The following SYNPO2 variants were observed in gnomAD, a reference collection of about 807,000 sequenced individuals.
SYNPO2 encodes the protein synaptopodin 2, also known as synaptopodin-2.
A neutral mutation model predicts 85.0 loss-of-function variants in SYNPO2; 56 were observed. The ratio of observed to expected loss-of-function variants is 0.66; its 90% CI spans 0.53 to 0.82. SYNPO2 has a LOEUF of 0.82. Ranked by LOEUF, SYNPO2 falls within the 40% of genes least tolerant of loss-of-function variation. The probability of loss-of-function intolerance (pLI) is 0.00; values close to 1 mark genes in which losing one functional copy is unlikely to be tolerated. For missense variants in SYNPO2, 1,575 were observed against 1,534.2 expected, an observed-to-expected ratio of 1.03 and a Z score of -0.44; for synonymous variants, 602 against 591.1, an observed-to-expected ratio of 1.02 and a Z score of -0.27.
intron 1 of SYNPO2, among the ~76,000 whole-genome samples, chr4:118,917,503 C>T (rs146269066): frequency 3.0e-4 from 45 of 152,270 alleles, no homozygotes; most frequent in African/African-American, 1.0e-3. Flanking sequence ...ATGGTAATCT[C>T]TTCAATGAAT....
At position 119,027,171 on chromosome 4, in the gene SYNPO2, T is replaced by G. The variant is rs1192953965; in HGVS notation, c.802T>G (p.Leu268Val). 8 of 1,613,662 alleles carry G rather than the reference T, an allele frequency of 5.0e-6. No homozygotes were observed. The highest frequency in any genetic ancestry group is 5.9e-6 in the Non-Finnish European group (7 of 1,179,958). The change falls in exon 3 of 5, where the codon TTG (leucine) becomes GTG (valine). Residue 268 changes from leucine (L) to valine (V), a missense_variant. By Grantham distance (32) the Leu-to-Val change is conservative (BLOSUM62 1). Coordinates refer to ENST00000307142, the MANE Select transcript of SYNPO2 (RefSeq NM_133477.3). ...AATCCAGATCTCCAGTGGCAGAGAG[T>G]TGAGAGTGATCCAGGAAAGTGAAGC... is the stretch of plus-strand genomic sequence containing the variant. ...KIIQISSGRE[L>V]RVIQESEAGD... is the part of the protein sequence containing the mutation.
At chr4:118,854,682 C>T (rs1731476101) in intron 1 of SYNPO2, among the ~76,000 whole-genome samples, 2 of 152,020 alleles carry the variant, frequency 1.3e-5, no homozygotes, top group African/African-American at 2.4e-5. Flanking sequence ...AATTAACAAA[C>T]ATATAAAGGA....
In SYNPO2 at chr4:118,996,903, C is replaced by T. The variant is rs1316652146; in HGVS notation, c.106-26527C>T. Among the ~76,000 whole-genome samples, 3 of 147,852 alleles carry T rather than the reference C, an allele frequency of 2.0e-5. No homozygotes were observed. In the East Asian group the frequency reaches 6.1e-4, roughly 30 times the overall value. On this transcript the variant is annotated intron_variant, in intron 1 of 4. Coordinates refer to ENST00000307142, the MANE Select transcript of SYNPO2 (RefSeq NM_133477.3). ...ATAAGACAGAGCAATCAATAAATGT[C>T]CATTTGCAAGCAGAAAAGAAGTCAA...
At position 119,030,725 on chromosome 4, in the gene SYNPO2, C is replaced by G; in HGVS notation, c.1950C>G (p.Pro650=). 1.2e-6 allele frequency: 2 copies of G among 1,614,204 alleles called. No homozygotes were observed. The highest frequency in any genetic ancestry group is 8.5e-7 in the Non-Finnish European group (1 of 1,180,034). The stretch of plus-strand genomic sequence containing the variant: ...GCCCAGCACAGCCCCCTCCATGGCC[C>G]CAGCCTGCCCCGTGGTCCCAGCCAG... ...IAGPAQPPPW[P]QPAPWSQPAF... Residue 650 remains proline (P), a synonymous_variant, in exon 4 of 5, where the codon CCC becomes CCG. Coordinates refer to ENST00000307142, the MANE Select transcript of SYNPO2 (RefSeq NM_133477.3).
chr4:118,984,109 G>T (rs527634151), intron 1 of SYNPO2, among the ~76,000 whole-genome samples: 1 of 152,214 alleles, frequency 6.6e-6, no homozygotes, highest in East Asian at 1.9e-4. Context: ...CACCAAACTG[G>T]TGTCTCTGTC....
chr4:118,881,197 G>A (rs1371607452), intron 1 of SYNPO2, among the ~76,000 whole-genome samples: 1 of 151,802 alleles, frequency 6.6e-6, no homozygotes, highest in Non-Finnish European at 1.5e-5. Context: ...AGCTACTCAG[G>A]AGGCTGAGGC....
At chr4:118,978,305 CTTG>C (rs1385684348) in intron 1 of SYNPO2, among the ~76,000 whole-genome samples, 3 of 152,162 alleles carry the variant, frequency 2.0e-5, no homozygotes, top group Non-Finnish European at 2.9e-5. Context: ...ATTACTGTAT[CTTG>C]TTGTCATTTT....
At chr4:118,977,127 C>G (rs11098469) in intron 1 of SYNPO2, among the ~76,000 whole-genome samples, 1 of 151,630 alleles carries the variant, frequency 6.6e-6, no homozygotes, top group African/African-American at 2.4e-5. Context: ...AGGCTCGGGC[C>G]GCACAGGAGC....
chr4:118,935,779 T>C (rs546079792), intron 1 of SYNPO2, among the ~76,000 whole-genome samples: 142 of 152,370 alleles, frequency 9.3e-4, no homozygotes, highest in African/African-American at 3.3e-3. Context: ...ATATACATTA[T>C]AAACTGTATT....
intron 1 of SYNPO2, among the ~76,000 whole-genome samples, chr4:118,881,697 C>G (rs1467080318): frequency 6.6e-6 from 1 of 152,170 alleles, no homozygotes; most frequent in Non-Finnish European, 1.5e-5. Context: ...AAGCCACGTT[C>G]GGCCTCCAAG....
At chr4:119,057,053 A>G (rs1024682978) in intron 4 of SYNPO2, among the ~76,000 whole-genome samples, 3 of 152,170 alleles carry the variant, frequency 2.0e-5, no homozygotes, top group African/African-American at 7.2e-5. Context: ...GAGAGAAGGA[A>G]AGGTGGTTCC....
rs116051123 is a variant in SYNPO2, at chr4:118,861,011, T to C, written c.12+10071T>C. ...TCTTCACTTTGTTGACTGTTTCCTT[T>C]GCTGTGCAGTAGTTTTTTAACTTAT... is the stretch of plus-strand genomic sequence containing the variant. On this transcript the variant is annotated intron_variant, in intron 1 of 4. Coordinates refer to the SYNPO2 transcript ENST00000610556. Among the ~76,000 whole-genome samples the C allele has an allele frequency of 5.6e-3, 851 of 152,354 alleles. 12 individuals are homozygous for C. Among genetic ancestry groups the C allele is most frequent in the African/African-American group, 0.019 (781 of 41,584 alleles).
upstream of SYNPO2, among the ~76,000 whole-genome samples, chr4:118,888,152 A>C (rs1043286330): frequency 6.6e-6 from 1 of 152,206 alleles, no homozygotes; most frequent in Non-Finnish European, 1.5e-5. Flanking sequence ...GGGTTTAAGA[A>C]GATCAGCAGG....
intron 3 of SYNPO2, among the ~76,000 whole-genome samples, chr4:119,029,060 C>T (rs927675331): frequency 1.2e-4 from 18 of 151,900 alleles, no homozygotes; most frequent in African/African-American, 4.1e-4. Flanking sequence ...TTTTAAATTT[C>T]TCCAAGGTTT....
At chr4:119,003,207 C>G (rs1038341951) in intron 1 of SYNPO2, among the ~76,000 whole-genome samples, 29 of 152,166 alleles carry the variant, frequency 1.9e-4, no homozygotes. Flanking sequence ...AGGAAACTTA[C>G]AATCATGATG....
intron 1 of SYNPO2, among the ~76,000 whole-genome samples, chr4:118,938,646 TAAA>T (rs1392243615): frequency 6.6e-6 from 1 of 152,220 alleles, no homozygotes; most frequent in East Asian, 1.9e-4. Flanking sequence ...CAGTACTTTT[TAAA>T]ACTGTCAGAT....
intron 1 of SYNPO2, among the ~76,000 whole-genome samples, chr4:119,011,813 T>A (rs1440905054): frequency 6.6e-6 from 1 of 152,154 alleles, no homozygotes; most frequent in African/African-American, 2.4e-5. Context: ...CTCAAGGAAT[T>A]TCAACTAGCC....
At chr4:119,044,038 G>T (rs866877262) in intron 4 of SYNPO2, 5 of 149,136 alleles carry the variant, frequency 3.4e-5, no homozygotes, top group Non-Finnish European at 5.9e-5. Flanking sequence ...CTCTAATTTC[G>T]TATGTCTGAT....
chr4:118,930,292 A>G (rs1256692248), intron 1 of SYNPO2, among the ~76,000 whole-genome samples: 1 of 152,228 alleles, frequency 6.6e-6, no homozygotes, highest in Non-Finnish European at 1.5e-5. Flanking sequence ...TTAGAATTTT[A>G]ACATAAATTT....
Sources: allele counts gnomAD v4.1 joint callset (sites outside exome capture counted in the v4.1 genomes callset), GRCh38; gene constraint gnomAD v4.1.1; transcripts MANE v1.5; gene names NCBI Gene and HGNC (gene_info 2026-07-23, HGNC 2026-07-21).